The following CD28 variants were observed in gnomAD, a reference collection of about 807,000 sequenced individuals.
The protein encoded by CD28 is CD28 molecule.
Under a neutral mutation model 21.4 loss-of-function variants are expected in CD28, and 8 were observed. The observed-to-expected ratio is 0.37, with a 90% confidence interval of 0.22 to 0.68. The LOEUF is 0.68. CD28 is among the 30% of genes least tolerant of loss of function. The pLI, the probability that CD28 is intolerant of heterozygous loss-of-function variation, is 0.55. For missense variants in CD28, 239 were observed against 272.2 expected (o/e 0.88, Z 0.86); for synonymous variants, 106 against 104.0 (o/e 1.02, Z -0.12).
In CD28 at chr2:203,736,058, G is replaced by T. The variant is rs1273288383; in HGVS notation, c.*1146G>T. 6.8e-6 allele frequency: 1 copy of T among 147,138 alleles called. No homozygotes were observed. Among genetic ancestry groups the T allele is most frequent in the Non-Finnish European group, 1.5e-5 (1 of 64,810 alleles). 9.1% of individuals were successfully genotyped at this position (147,138 alleles called of 1,614,324 possible). A position where few individuals can be genotyped will look rare whatever the true frequency, so the allele number is the denominator to read the frequency against. ...AACAACAAACCACAAAATTATTTGA[G>T]TACTGTGAAGGATTATTTGTCTAAC... On this transcript the variant is annotated 3_prime_UTR_variant, in exon 4 of 4. Transcript: ENST00000324106.
intron 1 of CD28, among the ~76,000 whole-genome samples, chr2:203,720,802 AAAT>A (rs1559553142): frequency 6.6e-6 from 1 of 152,230 alleles, no homozygotes; most frequent in Non-Finnish European, 1.5e-5. Context: ...TTTTAAAAGA[AAAT>A]AAGAGAAATC....
chr2:203,722,824 C>T (rs918968130), intron 1 of CD28, among the ~76,000 whole-genome samples: 7 of 152,198 alleles, frequency 4.6e-5, no homozygotes, highest in Non-Finnish European at 8.8e-5. Context: ...GGAATGCTCA[C>T]AGTCTGTTCT....
chr2:203,723,092 A>T (rs1169384771), intron 1 of CD28, among the ~76,000 whole-genome samples: 1 of 152,202 alleles, frequency 6.6e-6, no homozygotes, highest in African/African-American at 2.4e-5. Context: ...GGTGATTCTA[A>T]ATATGTTGTC....
intron 2 of CD28, among the ~76,000 whole-genome samples, chr2:203,728,020 A>G (rs946160117): frequency 6.7e-6 from 1 of 148,494 alleles, no homozygotes; most frequent in Admixed American, 6.7e-5. Context: ...CCGTGTTAGC[A>G]AGGATGGTCT....
At chr2:203,733,258 G>A (rs1027946151) in intron 3 of CD28, among the ~76,000 whole-genome samples, 5 of 152,194 alleles carry the variant, frequency 3.3e-5, no homozygotes, top group Admixed American at 2.6e-4. Flanking sequence ...GTAGATGCCA[G>A]TAGCATCCCT....
Position 203,735,085 on chromosome 2 carries a change from T to C in CD28, c.*173T>C, listed in dbSNP as rs200552329. On this transcript the variant is annotated 3_prime_UTR_variant, in exon 4 of 4. Coordinates refer to ENST00000324106, the MANE Select transcript of CD28 (RefSeq NM_006139.4). ...AAATATCAAGATCATTTTGAGACTC[T>C]GAAATGAAGTAAAAGAGATTTCCTG... The C allele has an allele frequency of 1.8e-4, 127 of 692,304 alleles. No individual in the cohort carries two copies. The African/African-American group carries it at 1.9e-3, about 11-fold the overall frequency. 42.9% of individuals were successfully genotyped at this position (692,304 alleles called of 1,614,324 possible).
intron 3 of CD28, among the ~76,000 whole-genome samples, chr2:203,733,396 G>A (rs1693948489): frequency 6.6e-6 from 1 of 151,968 alleles, no homozygotes; most frequent in African/African-American, 2.4e-5. Flanking sequence ...ATATGGTAGT[G>A]TCATTCACTC....
At chr2:203,727,148 T>A (rs538504399) in intron 2 of CD28, among the ~76,000 whole-genome samples, 159 bp downstream of exon 2, 1 of 152,346 alleles carries the variant, frequency 6.6e-6, no homozygotes, top group East Asian at 1.9e-4. Context: ...CCCTTTACTG[T>A]AGAGGAGATT....
chr2:203,714,234 A>G (rs1693401565), intron 1 of CD28, among the ~76,000 whole-genome samples: 1 of 152,146 alleles, frequency 6.6e-6, no homozygotes, highest in African/African-American at 2.4e-5. Context: ...TGGGTAATAC[A>G]TGCCTTCTCT....
At position 203,734,908 on chromosome 2, in the gene CD28, C is replaced by T. The variant is rs762747357; in HGVS notation, c.659C>T (p.Ser220Phe). Residue 220 changes from serine (S) to phenylalanine (F), a missense_variant, in exon 4 of 4, where the codon TCC becomes TTC. Physicochemically the swap from Ser to Phe is radical, Grantham distance 155 (BLOSUM62 -2). Around this residue, in one of 3 missense-constraint regions of CD28, gnomAD observed 112 missense variants for 112.8 expected, o/e 0.99. Coordinates refer to ENST00000324106, the MANE Select transcript of CD28 (RefSeq NM_006139.4). ...APPRDFAAYR[S>F] ...CCACGCGACTTCGCAGCCTATCGCT[C>T]CTGACACGGACGCCTATCCAGAAGC... 3 of 1,614,082 alleles carry T rather than the reference C, an allele frequency of 1.9e-6. No homozygotes were observed. In the South Asian group the frequency reaches 3.3e-5, roughly 18 times the overall value.
intron 1 of CD28, among the ~76,000 whole-genome samples, chr2:203,725,544 A>G (rs1693720927): frequency 6.6e-6 from 1 of 152,220 alleles, no homozygotes; most frequent in African/African-American, 2.4e-5. Flanking sequence ...ACCATGGGAA[A>G]TGAGATCAAT....
At chr2:203,722,913 T>C (rs183116891) in intron 1 of CD28, among the ~76,000 whole-genome samples, 99 of 152,324 alleles carry the variant, frequency 6.5e-4, no homozygotes, top group Middle Eastern at 3.4e-3. Context: ...TGGAGGCCGA[T>C]TTGAGGATAA....
intron 1 of CD28, among the ~76,000 whole-genome samples, chr2:203,719,464 C>T (rs1257572579): frequency 6.6e-6 from 1 of 152,220 alleles, no homozygotes; most frequent in African/African-American, 2.4e-5. Flanking sequence ...TGGTACCATC[C>T]TCCCTATCAA....
intron 1 of CD28, among the ~76,000 whole-genome samples, chr2:203,712,037 C>T (rs942446512): frequency 6.6e-6 from 1 of 151,904 alleles, no homozygotes; most frequent in African/African-American, 2.4e-5. Context: ...ACTAAAAATA[C>T]AAAAATTAGC....
intron 1 of CD28, among the ~76,000 whole-genome samples, chr2:203,710,739 A>G (rs1202955006): frequency 1.3e-5 from 2 of 152,240 alleles, no homozygotes; most frequent in Non-Finnish European, 2.9e-5. Context: ...AAAGCCCTTT[A>G]TTAACTAGTG....
At chr2:203,727,529 G>A (rs1346141471) in intron 2 of CD28, among the ~76,000 whole-genome samples, 1 of 150,498 alleles carries the variant, frequency 6.6e-6, no homozygotes, top group African/African-American at 2.4e-5. Flanking sequence ...GCCCAGGCTG[G>A]AGTGCAGTGG....
At chr2:203,712,715 A>G (rs930628248) in intron 1 of CD28, among the ~76,000 whole-genome samples, 1 of 152,252 alleles carries the variant, frequency 6.6e-6, no homozygotes, top group Non-Finnish European at 1.5e-5. Context: ...TAAAATAAAT[A>G]CTCGTAAGAT....
At chr2:203,724,446 C>T (rs181567426) in intron 1 of CD28, among the ~76,000 whole-genome samples, 137 of 152,252 alleles carry the variant, frequency 9.0e-4, no homozygotes, top group Non-Finnish European at 1.4e-3. Flanking sequence ...ATCAATCCTT[C>T]CCCCCAGCCT....
intron 1 of CD28, among the ~76,000 whole-genome samples, chr2:203,723,435 C>T (rs987389018): frequency 6.6e-6 from 1 of 151,172 alleles, no homozygotes. Context: ...TGCAGTGAGC[C>T]AAGATCATGC....
Sources: allele counts gnomAD v4.1 joint callset (sites outside exome capture counted in the v4.1 genomes callset), GRCh38; gene constraint gnomAD v4.1.1; regional missense constraint gnomAD v4.1.1; transcripts MANE v1.5; gene names NCBI Gene and HGNC (gene_info 2026-07-23, HGNC 2026-07-21).